The following ADGRL2 variants were observed in gnomAD, a reference collection of about 807,000 sequenced individuals.
The protein encoded by ADGRL2 is adhesion G protein-coupled receptor L2, also known as calcium-independent alpha-latrotoxin receptor 2.
Under a neutral mutation model 157.4 loss-of-function variants are expected in ADGRL2, and 44 were observed. That is an observed-to-expected ratio of 0.28 (90% CI 0.22 to 0.36). The LOEUF is 0.36. ADGRL2 is among the 10% of genes least tolerant of loss of function. The pLI is 1.00. For missense variants in ADGRL2, 1,510 were observed against 1,768.9 expected, an observed-to-expected ratio of 0.85 and a Z score of 2.63; for synonymous variants, 585 against 624.7, an observed-to-expected ratio of 0.94 and a Z score of 0.95.
intron 3 of ADGRL2, among the ~76,000 whole-genome samples, chr1:81,645,152 G>A (rs2082288853): frequency 6.6e-6 from 1 of 152,028 alleles, no homozygotes; most frequent in Non-Finnish European, 1.5e-5. Flanking sequence ...CACTTTGAGA[G>A]GCCAAGGCAG....
At chr1:81,604,903 A>T (rs1159108343) in intron 3 of ADGRL2, among the ~76,000 whole-genome samples, 1 of 152,154 alleles carries the variant, frequency 6.6e-6, no homozygotes, top group Non-Finnish European at 1.5e-5. Flanking sequence ...ATGCACACCC[A>T]CACACTTTGA....
intron 2 of ADGRL2, among the ~76,000 whole-genome samples, chr1:81,447,845 G>A (rs2077627009): frequency 6.6e-6 from 1 of 152,100 alleles, no homozygotes; most frequent in African/African-American, 2.4e-5. Flanking sequence ...AGTGGGCCTA[G>A]TGGGAAGTGA....
intron 3 of ADGRL2, among the ~76,000 whole-genome samples, chr1:81,669,234 A>G (rs558073724): frequency 6.6e-6 from 1 of 152,150 alleles, no homozygotes; most frequent in South Asian, 2.1e-4. Context: ...GTTCCTGTAA[A>G]TTGAGGCGGA....
intron 2 of ADGRL2, among the ~76,000 whole-genome samples, chr1:81,578,188 C>T (rs1002140523): frequency 2.6e-5 from 4 of 152,110 alleles, no homozygotes; most frequent in African/African-American, 4.8e-5. Context: ...AACGACCCTC[C>T]CACTCTTATC....
chr1:81,378,426 C>T (rs1438960551), intron 1 of ADGRL2, among the ~76,000 whole-genome samples: 2 of 151,696 alleles, frequency 1.3e-5, no homozygotes, highest in Admixed American at 1.3e-4. Flanking sequence ...CTGGGCGTGG[C>T]TTTGTGTGCC....
intron 2 of ADGRL2, among the ~76,000 whole-genome samples, chr1:81,517,861 C>A (rs184434414): frequency 1.7e-4 from 26 of 152,268 alleles, no homozygotes; most frequent in African/African-American, 6.0e-4. Context: ...GTTAGAGGGG[C>A]GTTACAAATC....
intron 17 of ADGRL2, among the ~76,000 whole-genome samples, chr1:81,972,352 A>G (rs1006617213): frequency 2.6e-5 from 4 of 152,112 alleles, no homozygotes; most frequent in Non-Finnish European, 5.9e-5. Context: ...AATGCTTTTT[A>G]GTATATAAAA....
rs115628970 is a variant in ADGRL2, at chr1:81,585,228, A to G, written c.-143+4248A>G. 2.7e-3 allele frequency among the ~76,000 whole-genome samples: 407 copies of G among 152,262 alleles called. 1 individual carries two copies. The highest frequency in any genetic ancestry group is 9.5e-3 in the African/African-American group (393 of 41,562). Reference sequence around the variant, plus strand: ...GGAAAGCGGAGTTTTTATTAAAGACATTTTAAACTTCAAGCCAACCTTAGT... The same window carrying G: ...GGAAAGCGGAGTTTTTATTAAAGACGTTTTAAACTTCAAGCCAACCTTAGT... On this transcript the variant is annotated intron_variant, in intron 3 of 24. Transcript: ENST00000370721.
rs116421651 is a variant in ADGRL2, at chr1:81,561,790, A to T, written c.-247-19086A>T. Among the ~76,000 whole-genome samples the T allele has an allele frequency of 3.0e-3, 464 of 152,184 alleles. 2 individuals carry two copies. The highest frequency in any genetic ancestry group is 0.011 in the African/African-American group (444 of 41,536). On this transcript the variant is annotated intron_variant, in intron 2 of 24. Coordinates refer to the ADGRL2 transcript ENST00000370721. The stretch of plus-strand genomic sequence containing the variant: ...TTTCAGTTTTAATCATTTTGCACTG[A>T]TATCACTTTGATTATAGGATTTTCA...
At chr1:81,741,411 T>G (rs926352511) in intron 1 of ADGRL2, among the ~76,000 whole-genome samples, 8 of 152,030 alleles carry the variant, frequency 5.3e-5, no homozygotes, top group Non-Finnish European at 1.2e-4. Flanking sequence ...ATTTCAACAT[T>G]CACATCTTGA....
At chr1:81,534,991 T>G (rs2079698600) in intron 2 of ADGRL2, among the ~76,000 whole-genome samples, 1 of 152,174 alleles carries the variant, frequency 6.6e-6, no homozygotes, top group African/African-American at 2.4e-5. Context: ...TTCCCCTACC[T>G]CCCCAACCTC....
chr1:81,449,112 T>C (rs1361787417), intron 2 of ADGRL2, among the ~76,000 whole-genome samples: 3 of 152,172 alleles, frequency 2.0e-5, no homozygotes, highest in East Asian at 1.9e-4. Context: ...TTTGGATACA[T>C]AGTGCTTTTG....
chr1:81,408,086 A>G (rs2076886114), intron 1 of ADGRL2, among the ~76,000 whole-genome samples: 1 of 152,140 alleles, frequency 6.6e-6, no homozygotes, highest in South Asian at 2.1e-4. Flanking sequence ...AGGAGTTCAG[A>G]TCTCATTTGT....
intron 23 of ADGRL2, chr1:81,988,355 A>G (rs1453080050): frequency 6.6e-6 from 1 of 152,196 alleles, no homozygotes; most frequent in Non-Finnish European, 1.5e-5. Context: ...TGTTGTATTT[A>G]CCAAGCAATG....
chr1:81,938,807 A>G (rs926588216), intron 4 of ADGRL2, among the ~76,000 whole-genome samples: 5 of 60,880 alleles, frequency 8.2e-5, no homozygotes, highest in Non-Finnish European at 1.3e-4. Context: ...CCTATGTAGG[A>G]CAGTGTCTTA....
chr1:81,439,449 G>A lies in ADGRL2; in HGVS notation c.-301-5587G>A, dbSNP rs114891385. ...TTAATAACGAAACCTACTGATGCAG[G>A]ATTTTCTCAGCCCCTTCACTGGACT... On this transcript the variant is annotated intron_variant, in intron 1 of 24. Coordinates refer to the ADGRL2 transcript ENST00000370721. Among the ~76,000 whole-genome samples, 1,360 of 152,328 alleles carry A rather than the reference G, an allele frequency of 8.9e-3. 8 individuals carry two copies. Among genetic ancestry groups the A allele is most frequent in the Middle Eastern group, 0.02 (6 of 294 alleles).
chr1:81,496,083 G>A (rs1458170144), intron 2 of ADGRL2, among the ~76,000 whole-genome samples: 3 of 152,070 alleles, frequency 2.0e-5, no homozygotes, highest in African/African-American at 7.2e-5. Context: ...AAATAGAGAA[G>A]AGCTAGGTAA....
intron 2 of ADGRL2, among the ~76,000 whole-genome samples, chr1:81,493,481 C>G (rs1258842144): frequency 6.6e-6 from 1 of 152,098 alleles, no homozygotes; most frequent in Non-Finnish European, 1.5e-5. Context: ...TATTTTTAGG[C>G]CTATTTCTCA....
intron 1 of ADGRL2, among the ~76,000 whole-genome samples, chr1:81,734,063 G>A (rs1053431473): frequency 6.6e-6 from 1 of 152,098 alleles, no homozygotes; most frequent in African/African-American, 2.4e-5. Context: ...AATCACCTGA[G>A]GTCGGGAGTT....
Sources: allele counts gnomAD v4.1 joint callset (sites outside exome capture counted in the v4.1 genomes callset), GRCh38; gene constraint gnomAD v4.1.1; transcripts MANE v1.5; gene names NCBI Gene and HGNC (gene_info 2026-07-23, HGNC 2026-07-21).